NECTIN3: variants seen among roughly 807,000 people sequenced by gnomAD.
NECTIN3 encodes the protein nectin-3.
NECTIN3 carries 8 observed loss-of-function variants against 49.4 expected under a neutral mutation model. The ratio of observed to expected loss-of-function variants is 0.16; its 90% CI spans 0.10 to 0.29. The LOEUF (loss-of-function observed/expected upper bound fraction) is 0.29. Ranked by LOEUF, NECTIN3 falls within the 10% of genes least tolerant of loss-of-function variation. The probability of loss-of-function intolerance (pLI) is 1.00; values close to 1 mark genes in which losing one functional copy is unlikely to be tolerated. For missense variants in NECTIN3, 581 were observed against 654.6 expected, an observed-to-expected ratio of 0.89 and a Z score of 1.23; for synonymous variants, 277 against 241.1, an observed-to-expected ratio of 1.15 and a Z score of -1.38.
intron 3 of NECTIN3, among the ~76,000 whole-genome samples, chr3:111,119,444 G>C (rs529353768): frequency 7.9e-5 from 12 of 152,248 alleles, no homozygotes; most frequent in Admixed American, 7.8e-4. Flanking sequence ...TGATTCTCCT[G>C]CCTCAGCCTC....
At chr3:111,119,819 A>G (rs372905907) in intron 3 of NECTIN3, among the ~76,000 whole-genome samples, 2 of 152,186 alleles carry the variant, frequency 1.3e-5, no homozygotes, top group South Asian at 2.1e-4. Context: ...TTTTACTTCT[A>G]TCCATGTGCA....
intron 7 of NECTIN3, among the ~76,000 whole-genome samples, chr3:111,155,634 C>T (rs12185974): frequency 0.033 from 4,953 of 152,192 alleles, 93 homozygotes; most frequent in Middle Eastern, 0.058. Flanking sequence ...TTTAAATAGC[C>T]AGTATCAATC....
chr3:111,157,932 A>G (rs1269577234), intron 7 of NECTIN3, among the ~76,000 whole-genome samples: 1 of 152,154 alleles, frequency 6.6e-6, no homozygotes, highest in Non-Finnish European at 1.5e-5. Context: ...ATGGGTTATT[A>G]TAAAAGCACA....
chr3:111,072,766 G>T lies in NECTIN3; in HGVS notation c.160+589G>T, dbSNP rs1000141057. 1.3e-4 allele frequency: 70 copies of T among 556,366 alleles called. No homozygotes were observed. The Middle Eastern group carries it at 1.4e-3, about 11-fold the overall frequency. 34.5% of individuals were successfully genotyped at this position (556,366 alleles called of 1,614,324 possible). A position where few individuals can be genotyped will look rare whatever the true frequency, so the allele number is the denominator to read the frequency against. On this transcript the variant is annotated intron_variant, in intron 1 of 5. Transcript: ENST00000485303. Reference sequence around the variant, plus strand: ...TCTGGAGCTCTCTAGATTGACCCTCGTCCCTGCCCTCCAGCTTGTGGGACG... The same window carrying T: ...TCTGGAGCTCTCTAGATTGACCCTCTTCCCTGCCCTCCAGCTTGTGGGACG...
chr3:111,071,948 A>G lies in NECTIN3; in HGVS notation c.-70A>G. 8.6e-7 allele frequency: 1 copy of G among 1,163,276 alleles called. No homozygotes were observed. Among genetic ancestry groups the G allele is most frequent in the Non-Finnish European group, 1.1e-6 (1 of 890,506 alleles). The allele number at this position is 1,163,276 out of a possible 1,614,324, so 72.1% of individuals were successfully genotyped here. A position where few individuals can be genotyped will look rare whatever the true frequency, so the allele number is the denominator to read the frequency against. On this transcript the variant is annotated 5_prime_UTR_variant, in exon 1 of 6. Coordinates refer to ENST00000485303, the MANE Select transcript of NECTIN3 (RefSeq NM_015480.3). ...GCCGGACCTTCCACAGCCTCCGCCC[A>G]GAGCCTGAGGCGCCGGGGCCGGGGG...
intron 5 of NECTIN3, among the ~76,000 whole-genome samples, chr3:111,131,119 A>G (rs899973675): frequency 7.2e-5 from 11 of 151,992 alleles, no homozygotes; most frequent in Admixed American, 7.2e-4. Context: ...AAGCCAATTA[A>G]TTTTTATGAC....
At chr3:111,180,980 A>G (rs2035618007) in intron 7 of NECTIN3, among the ~76,000 whole-genome samples, 1 of 152,158 alleles carries the variant, frequency 6.6e-6, no homozygotes, top group African/African-American at 2.4e-5. Context: ...ACATAATACC[A>G]TGCCATATTT....
At position 111,136,429 on chromosome 3, in the gene NECTIN3, C is replaced by T; in HGVS notation, c.*2214C>T. 1 of 984,038 alleles carries T rather than the reference C, an allele frequency of 1.0e-6. No individual in the cohort carries two copies. The highest frequency in any genetic ancestry group is 1.2e-6 in the Non-Finnish European group (1 of 828,872). 61.0% of individuals were successfully genotyped at this position (984,038 alleles called of 1,614,324 possible). A position where few individuals can be genotyped will look rare whatever the true frequency, so the allele number is the denominator to read the frequency against. ...GCCACAAGTGAGTATTTGACATATTCTGTATCCTTAATCCAATCATTTGGC... is the reference window on the plus strand; with the variant it reads ...GCCACAAGTGAGTATTTGACATATTTTGTATCCTTAATCCAATCATTTGGC... On this transcript the variant is annotated 3_prime_UTR_variant, in exon 6 of 6. Transcript: ENST00000485303.
At chr3:111,092,001 G>GGT (rs1249541121) in intron 1 of NECTIN3, among the ~76,000 whole-genome samples, 9 of 152,158 alleles carry the variant, frequency 5.9e-5, no homozygotes, top group Non-Finnish European at 1.3e-4. Flanking sequence ...GGTATGAGGT[G>GGT]GTGTATGGTT....
rs200763891 is a variant in NECTIN3 at position 111,146,290 on chromosome 3, C to T, written c.1140-1113C>T. Among the ~76,000 whole-genome samples the T allele has an allele frequency of 2.1e-3, 319 of 151,648 alleles. 7 individuals are homozygous for T. In the East Asian group the frequency reaches 0.054, roughly 26 times the overall value. ...TCTACTAAAAATACAAAAAATTAGC[C>T]GGGCGTAGTGGCGGGCGCCTGTAGT... On this transcript the variant is annotated intron_variant, in intron 6 of 8. Coordinates refer to the NECTIN3 transcript ENST00000493615.
intron 7 of NECTIN3, among the ~76,000 whole-genome samples, chr3:111,156,301 T>G (rs2035097510): frequency 6.6e-6 from 1 of 151,964 alleles, no homozygotes; most frequent in Non-Finnish European, 1.5e-5. Flanking sequence ...AAATTAGAAT[T>G]AAAATTTTTT....
intron 7 of NECTIN3, among the ~76,000 whole-genome samples, chr3:111,173,626 T>A (rs1435125373): frequency 1.3e-5 from 2 of 152,188 alleles, no homozygotes; most frequent in Admixed American, 6.5e-5. Flanking sequence ...TATTGTTGTT[T>A]TGAAAAATCT....
chr3:111,158,116 G>A (rs2035134535), intron 7 of NECTIN3, among the ~76,000 whole-genome samples: 1 of 151,942 alleles, frequency 6.6e-6, no homozygotes, highest in Non-Finnish European at 1.5e-5. Flanking sequence ...ATTGTCTTAT[G>A]GTTGCTTTAC....
chr3:111,100,168 G>C (rs1389474822), intron 1 of NECTIN3, among the ~76,000 whole-genome samples: 1 of 152,092 alleles, frequency 6.6e-6, no homozygotes, highest in Non-Finnish European at 1.5e-5. Flanking sequence ...CAGCAAGTTT[G>C]AGATTTTTGG....
intron 7 of NECTIN3, among the ~76,000 whole-genome samples, chr3:111,153,468 A>G (rs2035038712): frequency 6.6e-6 from 1 of 152,014 alleles, no homozygotes; most frequent in African/African-American, 2.4e-5. Flanking sequence ...AGCTTTTGCT[A>G]TCTGTCTTAT....
intron 5 of NECTIN3, among the ~76,000 whole-genome samples, chr3:111,133,329 T>G (rs951168937): frequency 6.6e-6 from 1 of 152,022 alleles, no homozygotes; most frequent in African/African-American, 2.4e-5. Context: ...ATTAAAAAAA[T>G]AAGGACCTCT....
downstream of NECTIN3, among the ~76,000 whole-genome samples, chr3:111,140,505 G>GTT (rs34068019): frequency 3.3e-5 from 5 of 151,326 alleles, no homozygotes; most frequent in African/African-American, 9.7e-5. Context: ...CTTATGTGGG[G>GTT]TTTTTTTGCC....
At chr3:111,084,555 G>C (rs372266913) in intron 1 of NECTIN3, among the ~76,000 whole-genome samples, 7 of 152,264 alleles carry the variant, frequency 4.6e-5, no homozygotes, top group African/African-American at 1.7e-4. Flanking sequence ...GTCAGACTGA[G>C]TGCTTTTTAA....
chr3:111,147,216 C>G (rs2034894202), intron 6 of NECTIN3, among the ~76,000 whole-genome samples: 1 of 152,010 alleles, frequency 6.6e-6, no homozygotes, highest in Admixed American at 6.6e-5. Flanking sequence ...CCAATGTTTA[C>G]TTTTATTTTT....
Sources: gnomAD v4.1 joint callset for allele counts (sites outside exome capture counted in the v4.1 genomes callset) on GRCh38, gnomAD v4.1.1 for gene constraint, MANE v1.5 for transcripts, NCBI Gene and HGNC (gene_info 2026-07-23, HGNC 2026-07-21) for gene names.